The following FOXP2 variants were observed in gnomAD, a reference collection of about 807,000 sequenced individuals.
FOXP2 encodes forkhead box P2.
A neutral mutation model predicts 115.8 loss-of-function variants in FOXP2; 12 were observed. That is an observed-to-expected ratio of 0.10 (90% CI 0.07 to 0.17). The LOEUF (loss-of-function observed/expected upper bound fraction) is 0.17, where lower values mean the gene tolerates loss of function less well. FOXP2 is among the 10% of genes least tolerant of loss of function. The probability of loss-of-function intolerance (pLI) is 1.00; values close to 1 mark genes in which losing one functional copy is unlikely to be tolerated. For synonymous variants in FOXP2, 328 were observed against 297.7 expected, an observed-to-expected ratio of 1.10 and a Z score of -1.05; for missense variants, 629 against 843.5, an observed-to-expected ratio of 0.75 and a Z score of 3.15.
chr7:114,576,490 T>C (rs1463233941), intron 3 of FOXP2, among the ~76,000 whole-genome samples: 1 of 151,944 alleles, frequency 6.6e-6, no homozygotes, highest in Non-Finnish European at 1.5e-5. Context: ...AAATTTATAA[T>C]GAATAATTTA....
At chr7:114,382,445 G>A (rs1792331029) in intron 2 of FOXP2, among the ~76,000 whole-genome samples, 1 of 152,206 alleles carries the variant, frequency 6.6e-6, no homozygotes, top group Non-Finnish European at 1.5e-5. Flanking sequence ...GGACGAGGTG[G>A]TGGCTTATTT....
rs1452256988 is a variant in FOXP2 at position 114,690,800 on chromosome 7, T to G, written c.*874T>G. 2 of 454,542 alleles carry G rather than the reference T, an allele frequency of 4.4e-6. No homozygotes were observed. Among genetic ancestry groups the G allele is most frequent in the Admixed American group, 2.3e-5 (1 of 42,570 alleles). 28.2% of individuals were successfully genotyped at this position (454,542 alleles called of 1,614,324 possible). A position where few individuals can be genotyped will look rare whatever the true frequency, so the allele number is the denominator to read the frequency against. ...GAGCTCAAGGACAGAAGCAGCCACA[T>G]GCTTTGGTCAGCCTTCTGTAACTTC... is the stretch of plus-strand genomic sequence containing the variant. On this transcript the variant is annotated 3_prime_UTR_variant, in exon 17 of 17. Coordinates refer to ENST00000350908, the MANE Select transcript of FOXP2 (RefSeq NM_014491.4).
At chr7:114,335,394 A>G (rs1185303885) in intron 2 of FOXP2, among the ~76,000 whole-genome samples, 1 of 151,886 alleles carries the variant, frequency 6.6e-6, no homozygotes, top group East Asian at 1.9e-4. Context: ...TATAATTTAG[A>G]TCACAAAGAA....
intron 1 of FOXP2, among the ~76,000 whole-genome samples, chr7:114,259,889 T>C (rs1451946448): frequency 6.6e-6 from 1 of 151,968 alleles, no homozygotes; most frequent in Admixed American, 6.6e-5. Context: ...AATGTATATT[T>C]TTGTTGTTGT....
rs1400841552 is a variant in FOXP2 at position 114,692,637 on chromosome 7, C to T, written c.*2711C>T. On this transcript the variant is annotated 3_prime_UTR_variant, in exon 17 of 17. Coordinates refer to ENST00000350908, the MANE Select transcript of FOXP2 (RefSeq NM_014491.4). ...TGCGTAGCTATTGTAAGGCTTTGAA[C>T]TAATGTATGTATTTATTGCTTGAAC... 2 of 446,306 alleles carry T rather than the reference C, an allele frequency of 4.5e-6. No homozygotes were observed. The highest frequency in any genetic ancestry group is 8.9e-6 in the Non-Finnish European group (2 of 223,740). The allele number at this position is 446,306 out of a possible 1,614,324, so 27.6% of individuals were successfully genotyped here. A position where few individuals can be genotyped will look rare whatever the true frequency, so the allele number is the denominator to read the frequency against.
At position 114,631,425 on chromosome 7, in the gene FOXP2, A is replaced by T. The variant is rs907996023; in HGVS notation, c.598-103A>T. The stretch of plus-strand genomic sequence containing the variant: ...GAACTTTGACTATGGGATGACCAAA[A>T]AACCCACTCAGGCAATGAAAGGAGT... On this transcript the variant is annotated intron_variant, in intron 5 of 16. Transcript: ENST00000350908. 5.2e-6 allele frequency: 8 copies of T among 1,536,068 alleles called. No homozygotes were observed. In the East Asian group the frequency reaches 7.4e-5, roughly 14 times the overall value.
intron 3 of FOXP2, among the ~76,000 whole-genome samples, chr7:114,623,528 G>A (rs181506034): frequency 6.6e-6 from 1 of 151,970 alleles, no homozygotes. Flanking sequence ...GAGATTAGAA[G>A]TTGCATTTTT....
chr7:114,634,105 C>T (rs1411159962), intron 6 of FOXP2, among the ~76,000 whole-genome samples: 3 of 151,966 alleles, frequency 2.0e-5, no homozygotes, highest in African/African-American at 7.3e-5. Context: ...AAGCAATTCT[C>T]CTCCCTCAGC....
Position 114,659,637 on chromosome 7 carries a change from A to G in FOXP2, c.1611A>G (p.Thr537=). ...AAATTTACAGCTGGTTTACACGGAC[A>G]TTTGCTTACTTCAGGCGTAATGCAG... ...LNEIYSWFTR[T]FAYFRRNAAT... Residue 537 remains threonine, a synonymous_variant, in exon 13 of 17, where the codon ACA becomes ACG. Transcript: ENST00000350908. 6.2e-7 allele frequency: 1 copy of G among 1,613,722 alleles called. No individual in the cohort carries two copies. The highest frequency in any genetic ancestry group is 8.5e-7 in the Non-Finnish European group (1 of 1,179,720).
chr7:114,139,680 C>A (rs1360807241), intron 1 of FOXP2, among the ~76,000 whole-genome samples: 1 of 152,148 alleles, frequency 6.6e-6, no homozygotes, highest in African/African-American at 2.4e-5. Context: ...AAGGCTACTA[C>A]TGTATTGTAG....
At chr7:114,231,459 A>G (rs935432916) in intron 1 of FOXP2, among the ~76,000 whole-genome samples, 2 of 152,174 alleles carry the variant, frequency 1.3e-5, no homozygotes, top group Non-Finnish European at 2.9e-5. Context: ...TCACACATCG[A>G]TTTCAAAACG....
At chr7:114,224,471 A>G (rs943812806) in intron 1 of FOXP2, among the ~76,000 whole-genome samples, 3 of 152,170 alleles carry the variant, frequency 2.0e-5, no homozygotes, top group Non-Finnish European at 4.4e-5. Flanking sequence ...AAATTTCTAG[A>G]GATTTATTCT....
chr7:114,546,964 A>T (rs185926033), intron 3 of FOXP2, among the ~76,000 whole-genome samples: 5 of 152,352 alleles, frequency 3.3e-5, no homozygotes, highest in Admixed American at 2.6e-4. Context: ...TCTCCGTCCT[A>T]TAAGACTACA....
intron 3 of FOXP2, among the ~76,000 whole-genome samples, chr7:114,551,680 C>T (rs1361527701): frequency 6.6e-6 from 1 of 151,632 alleles, no homozygotes; most frequent in Non-Finnish European, 1.5e-5. Context: ...AAAAGGGTTA[C>T]CAGATATTTT....
chr7:114,352,274 AAAAG>A (rs752611766), intron 2 of FOXP2, among the ~76,000 whole-genome samples: 6 of 152,068 alleles, frequency 3.9e-5, no homozygotes, highest in Non-Finnish European at 5.9e-5. Flanking sequence ...CTGAAGAAAA[AAAAG>A]AAAGAAAGAA....
chr7:114,654,302 A>G (rs1487292212), intron 10 of FOXP2, among the ~76,000 whole-genome samples: 4 of 152,164 alleles, frequency 2.6e-5, no homozygotes, highest in Non-Finnish European at 4.4e-5. Context: ...TGATAGGTTT[A>G]CAGATATTAA....
At chr7:114,319,287 G>T (rs2129181219) in intron 2 of FOXP2, among the ~76,000 whole-genome samples, 1 of 152,278 alleles carries the variant, frequency 6.6e-6, no homozygotes, top group South Asian at 2.1e-4. Flanking sequence ...GCCTGCCTTT[G>T]TGTTCTCCTC....
intron 3 of FOXP2, among the ~76,000 whole-genome samples, chr7:114,607,993 T>C: frequency 6.6e-6 from 1 of 152,210 alleles, no homozygotes. Context: ...ATTTCAGATT[T>C]TGTTTCCCTT....
chr7:114,143,909 G>T (rs981999380), intron 1 of FOXP2, among the ~76,000 whole-genome samples: 1 of 151,858 alleles, frequency 6.6e-6, no homozygotes, highest in Non-Finnish European at 1.5e-5. Flanking sequence ...CTTCATGATG[G>T]TATGAAACCA....
Sources: gnomAD v4.1 joint callset for allele counts (sites outside exome capture counted in the v4.1 genomes callset) on GRCh38, gnomAD v4.1.1 for gene constraint, MANE v1.5 for transcripts, NCBI Gene and HGNC (gene_info 2026-07-23, HGNC 2026-07-21) for gene names.